NECAB1: variants seen among roughly 807,000 people sequenced by gnomAD.
NECAB1 encodes the protein N-terminal EF-hand calcium binding protein 1.
NECAB1 carries 29 observed loss-of-function variants against 57.5 expected under a neutral mutation model. The ratio of observed to expected loss-of-function variants is 0.50; its 90% CI spans 0.38 to 0.69. The LOEUF (loss-of-function observed/expected upper bound fraction) is 0.69, where lower values mean the gene tolerates loss of function less well. Ranked by LOEUF, NECAB1 falls within the 30% of genes least tolerant of loss-of-function variation. The pLI, the probability that NECAB1 is intolerant of heterozygous loss-of-function variation, is 0.00. For synonymous variants in NECAB1, 142 were observed against 147.7 expected (o/e 0.96, Z 0.28); for missense variants, 372 against 413.8 (o/e 0.90, Z 0.88).
intron 5 of NECAB1, among the ~76,000 whole-genome samples, chr8:90,901,247 A>AC (rs1809496349): frequency 6.6e-6 from 1 of 151,904 alleles, no homozygotes. Context: ...AAAAAAAAAA[A>AC]AAAATGGTGT....
intron 2 of NECAB1, among the ~76,000 whole-genome samples, chr8:90,814,175 C>A (rs146160172): frequency 6.6e-6 from 1 of 152,176 alleles, no homozygotes; most frequent in Admixed American, 6.5e-5. Flanking sequence ...TATTTTGTAG[C>A]ATGCACTTCA....
rs552577078 is a variant in NECAB1, at chr8:90,931,070, CT to C, written c.693+2778del. Among the ~76,000 whole-genome samples, 7 of 151,820 alleles carry C rather than the reference CT, an allele frequency of 4.6e-5. No individual in the cohort carries two copies. In the South Asian group the frequency reaches 1.5e-3, roughly 32 times the overall value. On this transcript the variant is annotated intron_variant, in intron 8 of 12. Coordinates refer to ENST00000417640, the MANE Select transcript of NECAB1 (RefSeq NM_022351.5). ...ATGTGACATTTCTTTTTTTTCTAGACTTTTTTTCTCCCTCCCTTCCTATAAA... is the reference window on the plus strand; with the variant it reads ...ATGTGACATTTCTTTTTTTTCTAGACTTTTTTCTCCCTCCCTTCCTATAAA...
At chr8:90,793,537 C>T (rs948486557) in intron 1 of NECAB1, among the ~76,000 whole-genome samples, 2 of 152,126 alleles carry the variant, frequency 1.3e-5, no homozygotes, top group Non-Finnish European at 2.9e-5. Flanking sequence ...TGATCTTATT[C>T]AAGTTTTGCT....
chr8:90,828,138 T>TC (rs5893136), intron 3 of NECAB1, among the ~76,000 whole-genome samples: 1 of 151,778 alleles, frequency 6.6e-6, no homozygotes, highest in East Asian at 1.9e-4. Context: ...GCAGTTTTTT[T>TC]TTTTTTCTTT....
intron 11 of NECAB1, among the ~76,000 whole-genome samples, chr8:90,950,620 A>T (rs538107760): frequency 1.3e-5 from 2 of 152,260 alleles, no homozygotes; most frequent in African/African-American, 2.4e-5. Context: ...GTTTCACCTA[A>T]AAGTTTTATT....
At chr8:90,802,153 A>G (rs1034001509) in intron 2 of NECAB1, among the ~76,000 whole-genome samples, 1 of 152,220 alleles carries the variant, frequency 6.6e-6, no homozygotes, top group Non-Finnish European at 1.5e-5. Flanking sequence ...ACTGAGCTTT[A>G]ACATGGCTTT....
In NECAB1 at chr8:90,880,976, T is replaced by G. The variant is rs576964888; in HGVS notation, c.260-57T>G. On this transcript the variant is annotated intron_variant, in intron 4 of 12. Transcript: ENST00000417640. ...GGAGTAAATAATTAGTTGATTTTTT[T>G]GTTTTATGGTTACCTAAACTCAAAT... The G allele has an allele frequency of 3.9e-6, 5 of 1,267,790 alleles. No homozygotes were observed. The East Asian group carries it at 1.3e-4, about 32-fold the overall frequency. The allele number at this position is 1,267,790 out of a possible 1,614,324, so 78.5% of individuals were successfully genotyped here.
At chr8:90,949,988 C>T (rs2130271860) in intron 11 of NECAB1, 104 bp downstream of exon 11, 1 of 630,302 alleles carries the variant, frequency 1.6e-6, no homozygotes, top group Non-Finnish European at 2.7e-6. Context: ...TTTACCTTAC[C>T]TTAAAACCTG....
chr8:90,852,151 A>T (rs1448018374), intron 3 of NECAB1, among the ~76,000 whole-genome samples: 1 of 152,206 alleles, frequency 6.6e-6, no homozygotes, highest in Non-Finnish European at 1.5e-5. Flanking sequence ...TGGGATAAAT[A>T]CCTGATTTCA....
chr8:90,949,146 T>G (rs1013287329), intron 10 of NECAB1, among the ~76,000 whole-genome samples: 38 of 129,964 alleles, frequency 2.9e-4, no homozygotes, highest in Admixed American at 6.9e-4. Context: ...AACAGGCACT[T>G]TGTGTGTGTG....
At chr8:90,865,678 A>G (rs1456696388) in intron 3 of NECAB1, among the ~76,000 whole-genome samples, 2 of 152,160 alleles carry the variant, frequency 1.3e-5, no homozygotes, top group African/African-American at 4.8e-5. Context: ...CCCCTATTTA[A>G]TAACCCATAC....
intron 1 of NECAB1, among the ~76,000 whole-genome samples, chr8:90,795,708 T>A (rs75295174): frequency 0.01 from 1,529 of 147,858 alleles, 11 homozygotes; most frequent in Non-Finnish European, 0.015. Context: ...CTCATCTCTC[T>A]CACACACACA....
chr8:90,923,932 C>T (rs1039445709), intron 6 of NECAB1, among the ~76,000 whole-genome samples: 2 of 152,064 alleles, frequency 1.3e-5, no homozygotes, highest in Non-Finnish European at 2.9e-5. Flanking sequence ...GAGAACAAAG[C>T]AGAAAAATTA....
intron 1 of NECAB1, among the ~76,000 whole-genome samples, chr8:90,798,529 T>A (rs190356100): frequency 6.6e-6 from 1 of 152,302 alleles, no homozygotes; most frequent in Non-Finnish European, 1.5e-5. Context: ...AGCTCCCACT[T>A]ATAAGTGAGA....
intron 2 of NECAB1, among the ~76,000 whole-genome samples, chr8:90,822,001 T>C (rs1042566509): frequency 7.2e-5 from 11 of 151,880 alleles, no homozygotes; most frequent in Non-Finnish European, 1.2e-4. Context: ...GGATAATTTT[T>C]AAGTAAAGCA....
At chr8:90,798,143 C>T (rs1254758933) in intron 1 of NECAB1, among the ~76,000 whole-genome samples, 1 of 152,204 alleles carries the variant, frequency 6.6e-6, no homozygotes, top group Non-Finnish European at 1.5e-5. Flanking sequence ...CAATACCTGA[C>T]TCTTTGATCA....
intron 3 of NECAB1, among the ~76,000 whole-genome samples, chr8:90,853,580 T>C (rs1289820187): frequency 6.6e-6 from 1 of 152,230 alleles, no homozygotes; most frequent in African/African-American, 2.4e-5. Flanking sequence ...TATTTATTAG[T>C]GAGCTCCATT....
chr8:90,903,641 T>C (rs1809564256), intron 5 of NECAB1, among the ~76,000 whole-genome samples: 1 of 152,328 alleles, frequency 6.6e-6, no homozygotes, highest in African/African-American at 2.4e-5. Context: ...AGAAAATACT[T>C]AGCAACTTCT....
intron 11 of NECAB1, among the ~76,000 whole-genome samples, chr8:90,950,194 G>A (rs947797290): frequency 6.6e-6 from 1 of 151,946 alleles, no homozygotes; most frequent in Non-Finnish European, 1.5e-5. Context: ...TAGTGGTGGG[G>A]GTGGAGAAAA....
Sources: allele counts gnomAD v4.1 joint callset (sites outside exome capture counted in the v4.1 genomes callset), GRCh38; gene constraint gnomAD v4.1.1; transcripts MANE v1.5; gene names NCBI Gene and HGNC (gene_info 2026-07-23, HGNC 2026-07-21).